The following SLC44A5 variants were observed in gnomAD, a reference collection of about 807,000 sequenced individuals.
The protein encoded by SLC44A5 is solute carrier family 44 member 5.
SLC44A5 carries 57 observed loss-of-function variants against 101.8 expected under a neutral mutation model. That is an observed-to-expected ratio of 0.56 (90% confidence interval 0.45 to 0.70). The LOEUF is 0.70. SLC44A5 is among the 30% of genes least tolerant of loss of function. SLC44A5 has a pLI of 0.00. For synonymous variants in SLC44A5, 281 were observed against 290.9 expected, an observed-to-expected ratio of 0.97 and a Z score of 0.35; for missense variants, 737 against 853.1, an observed-to-expected ratio of 0.86 and a Z score of 1.70.
At chr1:75,413,896 A>G (rs1486022266) in intron 2 of SLC44A5, among the ~76,000 whole-genome samples, 2 of 152,200 alleles carry the variant, frequency 1.3e-5, no homozygotes. Flanking sequence ...TATTCTCCCT[A>G]GCTTTCCACC....
rs144363010 is a variant in SLC44A5, at chr1:75,575,359, A to G, written c.-69-33843T>C. On this transcript the variant is annotated intron_variant, in intron 1 of 23. Coordinates refer to ENST00000370859, the MANE Select transcript of SLC44A5 (RefSeq NM_001130058.2). The stretch of plus-strand genomic sequence containing the variant: ...TAGAAAGGAAAAAATTTAGCATTTT[A>G]TAATGTACTTATTCTGATGGGACCA... Among the ~76,000 whole-genome samples the G allele has an allele frequency of 6.1e-3, 934 of 152,332 alleles. 11 individuals are homozygous for G. The highest frequency in any genetic ancestry group is 0.021 in the African/African-American group (888 of 41,590).
intron 6 of SLC44A5, among the ~76,000 whole-genome samples, chr1:75,255,470 GA>G (rs1284004472): frequency 5.3e-5 from 8 of 151,364 alleles, no homozygotes; most frequent in Middle Eastern, 6.8e-3. Context: ...AGAAGAGATG[GA>G]AAAAATTAAG....
intron 1 of SLC44A5, among the ~76,000 whole-genome samples, chr1:75,585,836 T>C (rs1673960425): frequency 6.6e-6 from 1 of 152,098 alleles, no homozygotes; most frequent in Non-Finnish European, 1.5e-5. Flanking sequence ...AAAATACAAA[T>C]TGACAGACCC....
the SLC44A5 span, among the ~76,000 whole-genome samples, chr1:75,651,222 T>C: frequency 6.6e-6 from 1 of 152,158 alleles, no homozygotes; most frequent in Non-Finnish European, 1.5e-5. Context: ...CCTAAAAGCA[T>C]GGTTGTAGTT....
chr1:75,620,233 T>C, the SLC44A5 span, among the ~76,000 whole-genome samples: 9 of 152,308 alleles, frequency 5.9e-5, no homozygotes, highest in South Asian at 1.7e-3. Context: ...AGTCTATCAC[T>C]GTTGGGCCTT....
At chr1:75,477,493 A>G (rs1667499076) in intron 2 of SLC44A5, among the ~76,000 whole-genome samples, 1 of 152,200 alleles carries the variant, frequency 6.6e-6, no homozygotes, top group African/African-American at 2.4e-5. Context: ...CAAAGAAGTT[A>G]AAACCTTTGA....
chr1:75,214,811 G>A lies in SLC44A5; in HGVS notation c.1729-133C>T. 7.4e-6 allele frequency: 5 copies of A among 675,036 alleles called. No homozygotes were observed. In the South Asian group the frequency reaches 8.1e-5, roughly 11 times the overall value. 41.8% of individuals were successfully genotyped at this position (675,036 alleles called of 1,614,324 possible). On this transcript the variant is annotated intron_variant, in intron 19 of 23. Transcript: ENST00000370859. ...AGCTATCTCCACTCTTTTTTCTAAT[G>A]TGTATTTGTGGGACACACTGTGTGT...
At chr1:75,301,005 A>G (rs546375125) in intron 4 of SLC44A5, among the ~76,000 whole-genome samples, 2 of 152,246 alleles carry the variant, frequency 1.3e-5, no homozygotes, top group East Asian at 3.9e-4. Context: ...AAATTGTAAT[A>G]TAAGCTATTT....
chr1:75,374,150 G>A (rs562694799), intron 3 of SLC44A5, among the ~76,000 whole-genome samples: 72 of 152,286 alleles, frequency 4.7e-4, no homozygotes, highest in African/African-American at 1.5e-3. Context: ...CTGTTCTTAC[G>A]CAGGCATCAG....
chr1:75,678,871 T>G, the SLC44A5 span, among the ~76,000 whole-genome samples: 3 of 151,944 alleles, frequency 2.0e-5, no homozygotes, highest in Non-Finnish European at 4.4e-5. Flanking sequence ...TGAAAAAAAT[T>G]TAGAAGAATG....
intron 3 of SLC44A5, among the ~76,000 whole-genome samples, chr1:75,389,849 C>T (rs1474802591): frequency 6.6e-6 from 1 of 151,832 alleles, no homozygotes; most frequent in Admixed American, 6.6e-5. Flanking sequence ...TGCCAAAATT[C>T]ATTAAAAAGG....
At chr1:75,717,846 C>T in the SLC44A5 span, among the ~76,000 whole-genome samples, 3 of 152,260 alleles carry the variant, frequency 2.0e-5, no homozygotes, top group East Asian at 5.8e-4. Context: ...CATTAAAGGG[C>T]CAATTTTCTG....
chr1:75,617,816 A>C, the SLC44A5 span, among the ~76,000 whole-genome samples: 1 of 152,238 alleles, frequency 6.6e-6, no homozygotes, highest in African/African-American at 2.4e-5. Flanking sequence ...GTATAATATT[A>C]GACTTTGTAA....
At chr1:75,565,123 G>A (rs1672723909) in intron 1 of SLC44A5, among the ~76,000 whole-genome samples, 1 of 152,094 alleles carries the variant, frequency 6.6e-6, no homozygotes, top group Non-Finnish European at 1.5e-5. Flanking sequence ...CTCTTCCCCA[G>A]GTTAAACATT....
At chr1:75,500,881 C>G (rs965753649) in intron 2 of SLC44A5, among the ~76,000 whole-genome samples, 7 of 152,170 alleles carry the variant, frequency 4.6e-5, no homozygotes, top group African/African-American at 1.7e-4. Context: ...CTCTCATTTT[C>G]TAGTTGTATG....
chr1:75,306,107 A>G (rs1367485236), intron 4 of SLC44A5, among the ~76,000 whole-genome samples: 1 of 152,252 alleles, frequency 6.6e-6, no homozygotes, highest in Non-Finnish European at 1.5e-5. Context: ...ACTTGCATTC[A>G]TAAGTAAAGA....
At chr1:75,246,625 A>T (rs1208403793) in intron 7 of SLC44A5, among the ~76,000 whole-genome samples, 2 of 152,110 alleles carry the variant, frequency 1.3e-5, no homozygotes, top group Non-Finnish European at 2.9e-5. Context: ...GTATAAGATG[A>T]TAAATAAATA....
the SLC44A5 span, among the ~76,000 whole-genome samples, chr1:75,681,368 G>A: frequency 6.6e-6 from 1 of 151,924 alleles, no homozygotes; most frequent in Non-Finnish European, 1.5e-5. Flanking sequence ...ATAAAATACT[G>A]GCAAACCGAA....
chr1:75,547,336 T>C (rs1010356688), intron 1 of SLC44A5, among the ~76,000 whole-genome samples: 8 of 152,208 alleles, frequency 5.3e-5, no homozygotes, highest in African/African-American at 1.9e-4. Context: ...TTCCACTCAA[T>C]GGGTGCCAAA....
Sources: gnomAD v4.1 joint callset for allele counts (sites outside exome capture counted in the v4.1 genomes callset) on GRCh38, gnomAD v4.1.1 for gene constraint, MANE v1.5 for transcripts, NCBI Gene and HGNC (gene_info 2026-07-23, HGNC 2026-07-21) for gene names.